SMARCA5: variants seen among roughly 807,000 people sequenced by gnomAD.
SMARCA5 encodes SNF2 related chromatin remodeling ATPase 5, also known as SWI/SNF-related matrix-associated actin-dependent regulator of chromatin subfamily A member 5.
A neutral mutation model predicts 140.4 loss-of-function variants in SMARCA5; 18 were observed. That is an observed-to-expected ratio of 0.13 (90% CI 0.09 to 0.19). SMARCA5 has a LOEUF of 0.19. SMARCA5 is among the 10% of genes least tolerant of loss of function. The probability of loss-of-function intolerance (pLI) is 1.00; values close to 1 mark genes in which losing one functional copy is unlikely to be tolerated. For missense variants in SMARCA5, 606 were observed against 1,276.8 expected (o/e 0.47, Z 8.01); for synonymous variants, 449 against 419.6 (o/e 1.07, Z -0.86).
At chr4:143,527,607 A>G (rs756876384) in intron 6 of SMARCA5, among the ~76,000 whole-genome samples, 1 of 152,226 alleles carries the variant, frequency 6.6e-6, no homozygotes, top group Non-Finnish European at 1.5e-5. Context: ...GGAATTGCAG[A>G]AAGACATTTT....
At chr4:143,532,313 G>A (rs945002608) in intron 9 of SMARCA5, among the ~76,000 whole-genome samples, 3 of 152,108 alleles carry the variant, frequency 2.0e-5, no homozygotes, top group African/African-American at 7.2e-5. Context: ...AGAAAAGGAG[G>A]CAGAAGAACA....
At chr4:143,521,893 CAAAAAA>C (rs58679947) in intron 3 of SMARCA5, among the ~76,000 whole-genome samples, 9 of 44,800 alleles carry the variant, frequency 2.0e-4, no homozygotes, top group South Asian at 9.2e-4. Flanking sequence ...CCCATCTCTA[CAAAAAA>C]AAAAAAAAAA....
chr4:143,534,977 A>C lies in SMARCA5; in HGVS notation c.1268+13A>C. On this transcript the variant is annotated intron_variant, in intron 10 of 23. Transcript: ENST00000283131. ...TGCAAAGGGAATGGTATGTATTCTC[A>C]GATGTACTTGATAGCACTATTGATT... is the stretch of plus-strand genomic sequence containing the variant. 6.6e-7 allele frequency: 1 copy of C among 1,516,796 alleles called. No individual in the cohort carries two copies. The highest frequency in any genetic ancestry group is 1.2e-5 in the South Asian group (1 of 86,238). 94.0% of individuals were successfully genotyped at this position (1,516,796 alleles called of 1,614,324 possible).
chr4:143,523,335 GT>G (rs10717167), intron 3 of SMARCA5, among the ~76,000 whole-genome samples: 33,871 of 150,204 alleles, frequency 0.23, 4,186 homozygotes, highest in East Asian at 0.6. Flanking sequence ...CCAGGAATAC[GT>G]TTTTTTTTTA....
intron 4 of SMARCA5, among the ~76,000 whole-genome samples, chr4:143,525,188 T>C (rs1335094572): frequency 6.6e-6 from 1 of 152,058 alleles, no homozygotes; most frequent in Admixed American, 6.6e-5. Context: ...CAGACCAGTA[T>C]ATGGGTAACG....
Position 143,532,805 on chromosome 4 carries a change from G to A in SMARCA5, c.1159-2050G>A, listed in dbSNP as rs541692632. On this transcript the variant is annotated intron_variant, in intron 9 of 23. Transcript: ENST00000283131. ...CCCAGAATTTATGGGTTGACTGGAT[G>A]GTTTCTTTGTGGATTACACTTGGGG... Among the ~76,000 whole-genome samples the A allele has an allele frequency of 3.3e-5, 5 of 151,868 alleles. No individual in the cohort carries two copies. In the East Asian group the frequency reaches 9.7e-4, roughly 30 times the overall value.
At chr4:143,518,213 C>T (rs1331013720) in intron 2 of SMARCA5, among the ~76,000 whole-genome samples, 3 of 152,082 alleles carry the variant, frequency 2.0e-5, no homozygotes, top group Non-Finnish European at 4.4e-5. Context: ...GTTCACGTTC[C>T]GTATCTTCTA....
rs1286300371 is a variant in SMARCA5 at position 143,543,534 on chromosome 4, C to T, written c.1929C>T (p.Asn643=). 2.5e-6 allele frequency: 4 copies of T among 1,612,630 alleles called. No individual in the cohort carries two copies. The highest frequency in any genetic ancestry group is 2.5e-6 in the Non-Finnish European group (3 of 1,179,474). Residue 643 remains asparagine (N), a synonymous_variant, in exon 15 of 24, where the codon AAC becomes AAT. Transcript: ENST00000283131. ...GGAGGCTTGTGGATCAGAATCTGAACAAAATTGGGAAAGATGAAATGCTTC... is the reference window on the plus strand; with the variant it reads ...GGAGGCTTGTGGATCAGAATCTGAATAAAATTGGGAAAGATGAAATGCTTC... ...QQGRLVDQNL[N]KIGKDEMLQM...
chr4:143,521,277 C>G, intron 2 of SMARCA5, 152 bp from the exon 3 acceptor site: 2 of 564,466 alleles, frequency 3.5e-6, no homozygotes, highest in South Asian at 2.6e-5. Context: ...TTTCACTTTG[C>G]ATAGTGCTTT....
intron 7 of SMARCA5, 46 bp downstream of exon 7, chr4:143,528,069 TTAAAG>T (rs761248684): frequency 1.4e-6 from 2 of 1,434,576 alleles, no homozygotes; most frequent in Non-Finnish European, 1.9e-6. Flanking sequence ...AAGAATTTGA[TTAAAG>T]TACAGATTTT....
chr4:143,546,421 A>T (rs1319553009), intron 19 of SMARCA5, among the ~76,000 whole-genome samples: 1 of 152,016 alleles, frequency 6.6e-6, no homozygotes, highest in Non-Finnish European at 1.5e-5. Context: ...CTGGCCTTTG[A>T]CTTACCTTTA....
chr4:143,525,442 T>C lies in SMARCA5; in HGVS notation c.521-9T>C, dbSNP rs1300440593. On this transcript the variant is annotated splice_polypyrimidine_tract_variant and intron_variant, in intron 4 of 23. Coordinates refer to ENST00000283131, the MANE Select transcript of SMARCA5 (RefSeq NM_003601.4). ...TAAAATGCCTATTGTGCTTTTCTTT[T>C]GTTCTTAGATGTAAAATGGGGTAAA... 1 of 1,579,268 alleles carries C rather than the reference T, an allele frequency of 6.3e-7. No individual in the cohort carries two copies. Among genetic ancestry groups the C allele is most frequent in the East Asian group, 2.2e-5 (1 of 44,672 alleles).
At position 143,536,579 on chromosome 4, in the gene SMARCA5, G is replaced by T; in HGVS notation, c.1396G>T (p.Ala466Ser). 6.2e-7 allele frequency: 1 copy of T among 1,613,272 alleles called. No homozygotes were observed. Among genetic ancestry groups the T allele is most frequent in the Non-Finnish European group, 8.5e-7 (1 of 1,179,312 alleles). Residue 466 changes from alanine (A) to serine (S), a missense_variant, in exon 11 of 24, where the codon GCA becomes TCA. By Grantham distance (99) the Ala-to-Ser change is moderately conservative. Transcript: ENST00000283131. ...TAATCATCCATATCTCTTTGATGGA[G>T]CAGAACCTGGTCCACCTTATACAAC... ...CCNHPYLFDG[A>S]EPGPPYTTDM...
intron 9 of SMARCA5, among the ~76,000 whole-genome samples, chr4:143,534,156 G>GT (rs890971304): frequency 3.8e-4 from 55 of 146,636 alleles, no homozygotes; most frequent in East Asian, 4.0e-4. Flanking sequence ...TGTGTACGTT[G>GT]TTTTTTTTTT....
At chr4:143,517,765 G>T (rs897216033) in intron 2 of SMARCA5, among the ~76,000 whole-genome samples, 1 of 152,120 alleles carries the variant, frequency 6.6e-6, no homozygotes, top group African/African-American at 2.4e-5. Flanking sequence ...CTCTTATTAG[G>T]CCCTACCTCC....
At chr4:143,532,836 C>T (rs930587172) in intron 9 of SMARCA5, among the ~76,000 whole-genome samples, 1 of 152,038 alleles carries the variant, frequency 6.6e-6, no homozygotes, top group South Asian at 2.1e-4. Context: ...TGGGGTTATC[C>T]AGTTACATTT....
At position 143,528,850 on chromosome 4, in the gene SMARCA5, GC is replaced by G. The variant is rs1306207658; in HGVS notation, c.1089+138del. The stretch of plus-strand genomic sequence containing the variant: ...TTTTATGCTTTTATTTACATAGTTA[GC>G]CTGGTGTTATCTCCTAGGTTGTCTC... On this transcript the variant is annotated intron_variant, in intron 8 of 23. Coordinates refer to ENST00000283131, the MANE Select transcript of SMARCA5 (RefSeq NM_003601.4). 4.7e-5 allele frequency: 32 copies of G among 673,940 alleles called. No homozygotes were observed. In the African/African-American group the frequency reaches 5.6e-4, roughly 12 times the overall value. 41.7% of individuals were successfully genotyped at this position (673,940 alleles called of 1,614,324 possible). A position where few individuals can be genotyped will look rare whatever the true frequency, so the allele number is the denominator to read the frequency against.
Position 143,514,125 on chromosome 4 carries a change from G to A in SMARCA5, c.177+24G>A, listed in dbSNP as rs754911579. 2.1e-5 allele frequency: 32 copies of A among 1,511,564 alleles called. No individual in the cohort carries two copies. In the South Asian group the frequency reaches 4.0e-4, roughly 19 times the overall value. 93.6% of individuals were successfully genotyped at this position (1,511,564 alleles called of 1,614,324 possible). A position where few individuals can be genotyped will look rare whatever the true frequency, so the allele number is the denominator to read the frequency against. Reference sequence around the variant, plus strand: ...AGGTGAGGGCGACTTGCGGCATGGGGAGCGGGTGCAGCGGGGAGGAGGAGC... The same window carrying A: ...AGGTGAGGGCGACTTGCGGCATGGGAAGCGGGTGCAGCGGGGAGGAGGAGC... On this transcript the variant is annotated intron_variant, in intron 1 of 23. Transcript: ENST00000283131.
chr4:143,541,939 C>A (rs1737436520), intron 14 of SMARCA5, among the ~76,000 whole-genome samples: 1 of 151,732 alleles, frequency 6.6e-6, no homozygotes, highest in Non-Finnish European at 1.5e-5. Flanking sequence ...CTCACTGCAA[C>A]CTCCGCTTCC....
Sources: gnomAD v4.1 joint callset for allele counts (sites outside exome capture counted in the v4.1 genomes callset) on GRCh38, gnomAD v4.1.1 for gene constraint, MANE v1.5 for transcripts, NCBI Gene and HGNC (gene_info 2026-07-23, HGNC 2026-07-21) for gene names.